AFG1L: variants seen among roughly 807,000 people sequenced by gnomAD.
AFG1L encodes the protein AFG1-like ATPase.
AFG1L carries 53 observed loss-of-function variants against 62.2 expected under a neutral mutation model. The ratio of observed to expected loss-of-function variants is 0.85; its 90% CI spans 0.68 to 1.07. AFG1L has a LOEUF of 1.07. Ranked by LOEUF, AFG1L falls within the 50% of genes least tolerant of loss-of-function variation. AFG1L has a pLI of 0.00. For synonymous variants in AFG1L, 228 were observed against 210.3 expected (o/e 1.08, Z -0.73); for missense variants, 555 against 590.5 (o/e 0.94, Z 0.62).
At chr6:108,417,498 A>G (rs988621064) in intron 7 of AFG1L, among the ~76,000 whole-genome samples, 5 of 152,174 alleles carry the variant, frequency 3.3e-5, no homozygotes, top group African/African-American at 9.7e-5. Flanking sequence ...ACTGTAATTA[A>G]AAATTTTATT....
chr6:108,507,672 A>G (rs1300784927), intron 10 of AFG1L, among the ~76,000 whole-genome samples: 1 of 152,168 alleles, frequency 6.6e-6, no homozygotes, highest in Non-Finnish European at 1.5e-5. Flanking sequence ...GAGGTTTTAC[A>G]TTTTTTTATG....
At chr6:108,463,748 C>G (rs1211385640) in intron 8 of AFG1L, among the ~76,000 whole-genome samples, 1 of 152,028 alleles carries the variant, frequency 6.6e-6, no homozygotes, top group African/African-American at 2.4e-5. Flanking sequence ...GTCAGTTAAG[C>G]CTTTGAGTGA....
intron 1 of AFG1L, among the ~76,000 whole-genome samples, chr6:108,299,329 A>C (rs1776892149): frequency 6.6e-6 from 1 of 152,060 alleles, no homozygotes; most frequent in Non-Finnish European, 1.5e-5. Context: ...GAAAGGGAGG[A>C]GTGAAGGTAA....
chr6:108,501,033 G>A (rs759267873), intron 10 of AFG1L, among the ~76,000 whole-genome samples: 6 of 151,404 alleles, frequency 4.0e-5, no homozygotes, highest in African/African-American at 1.2e-4. Flanking sequence ...TTGCTCTGTC[G>A]CCCAGGCTGG....
chr6:108,466,653 C>G (rs1772676426), intron 8 of AFG1L, among the ~76,000 whole-genome samples: 2 of 151,556 alleles, frequency 1.3e-5, no homozygotes, highest in African/African-American at 4.8e-5. Flanking sequence ...AAAGAGAGCC[C>G]TCACCAAAAA....
chr6:108,485,625 AATATATATATATAT>A (rs35609301), intron 10 of AFG1L, among the ~76,000 whole-genome samples: 171 of 12,152 alleles, frequency 0.014, 7 homozygotes, highest in African/African-American at 0.047. Flanking sequence ...TACGAATTTA[AATATATATATATAT>A]ATATATATAT....
At chr6:108,513,141 AG>A (rs1247524656) in intron 11 of AFG1L, among the ~76,000 whole-genome samples, 1 of 152,220 alleles carries the variant, frequency 6.6e-6, no homozygotes, top group Non-Finnish European at 1.5e-5. Flanking sequence ...GGTGGAGCCA[AG>A]ATGGCCAAAT....
intron 3 of AFG1L, among the ~76,000 whole-genome samples, chr6:108,355,224 A>G (rs1047999290): frequency 6.6e-6 from 1 of 151,800 alleles, no homozygotes; most frequent in Non-Finnish European, 1.5e-5. Context: ...TTTAGGCATG[A>G]GCCACTGTGC....
At chr6:108,472,886 C>T (rs538773103) in intron 8 of AFG1L, among the ~76,000 whole-genome samples, 1 of 151,966 alleles carries the variant, frequency 6.6e-6, no homozygotes, top group Admixed American at 6.6e-5. Context: ...TCACTGCATC[C>T]TCCACCTCCC....
intron 7 of AFG1L, among the ~76,000 whole-genome samples, chr6:108,423,947 C>T (rs1182842746): frequency 1.3e-5 from 2 of 152,016 alleles, no homozygotes; most frequent in Non-Finnish European, 2.9e-5. Context: ...TAAACTCTGA[C>T]ATACTGTTTA....
chr6:108,453,844 G>A (rs1418607832), intron 8 of AFG1L, among the ~76,000 whole-genome samples: 1 of 152,160 alleles, frequency 6.6e-6, no homozygotes, highest in African/African-American at 2.4e-5. Context: ...CCAGACACTG[G>A]AATCTGCAGT....
chr6:108,498,787 C>A (rs1774069265), intron 10 of AFG1L, among the ~76,000 whole-genome samples: 1 of 151,952 alleles, frequency 6.6e-6, no homozygotes, highest in African/African-American at 2.4e-5. Context: ...CCAGCCTGAC[C>A]AACATGGTGA....
At chr6:108,495,840 T>C (rs955654098) in intron 10 of AFG1L, among the ~76,000 whole-genome samples, 5 of 152,378 alleles carry the variant, frequency 3.3e-5, no homozygotes, top group Middle Eastern at 6.8e-3. Flanking sequence ...AGTAAGTGGA[T>C]TTTAATTGTT....
intron 6 of AFG1L, among the ~76,000 whole-genome samples, chr6:108,378,599 A>G (rs1035896914): frequency 6.6e-6 from 1 of 152,126 alleles, no homozygotes. Context: ...GATTACAGGC[A>G]TAAGCCACCA....
Position 108,411,590 on chromosome 6 carries a change from C to T in AFG1L, c.807+9536C>T, listed in dbSNP as rs562989724. 1.5e-3 allele frequency among the ~76,000 whole-genome samples: 232 copies of T among 152,280 alleles called. 1 individual carries two copies. Among genetic ancestry groups the T allele is most frequent in the Non-Finnish European group, 2.4e-3 (166 of 68,016 alleles). ...GGAAGGATCAGGCAGCAACATTTTC[C>T]GTTCTGCAATATTTGCTGTTCTGCA... On this transcript the variant is annotated intron_variant, in intron 7 of 12. Coordinates refer to ENST00000368977, the MANE Select transcript of AFG1L (RefSeq NM_145315.5).
intron 8 of AFG1L, among the ~76,000 whole-genome samples, chr6:108,476,639 A>G (rs1773116156): frequency 1.3e-5 from 2 of 152,194 alleles, no homozygotes; most frequent in Admixed American, 1.3e-4. Context: ...TACTGGAAAC[A>G]GCTAGAAGCA....
chr6:108,520,578 C>T (rs1582699339), intron 12 of AFG1L: 2 of 152,352 alleles, frequency 1.3e-5, no homozygotes, highest in Admixed American at 1.3e-4. Context: ...ATTCTTCCAG[C>T]CCCACAGGTG....
chr6:108,350,930 T>G (rs1779055466), intron 3 of AFG1L, among the ~76,000 whole-genome samples: 1 of 152,222 alleles, frequency 6.6e-6, no homozygotes, highest in African/African-American at 2.4e-5. Flanking sequence ...ACTACACACC[T>G]AGGCTGTATT....
In AFG1L at chr6:108,477,145, A is replaced by G. The variant is rs1773136905; in HGVS notation, c.962-47A>G. The G allele has an allele frequency of 2.4e-6, 3 of 1,259,380 alleles. No homozygotes were observed. The East Asian group carries it at 7.0e-5, about 29-fold the overall frequency. 78.0% of individuals were successfully genotyped at this position (1,259,380 alleles called of 1,614,324 possible). A position where few individuals can be genotyped will look rare whatever the true frequency, so the allele number is the denominator to read the frequency against. On this transcript the variant is annotated intron_variant, in intron 9 of 12. Transcript: ENST00000368977. Reference sequence around the variant, plus strand: ...TTCCTATCTGTAAGAGATGAATTTTATAGTAATTATCCAGACAAGATTGAG... The same window carrying G: ...TTCCTATCTGTAAGAGATGAATTTTGTAGTAATTATCCAGACAAGATTGAG...
Sources: allele counts gnomAD v4.1 joint callset (sites outside exome capture counted in the v4.1 genomes callset), GRCh38; gene constraint gnomAD v4.1.1; transcripts MANE v1.5; gene names NCBI Gene and HGNC (gene_info 2026-07-23, HGNC 2026-07-21).